Variants in TRPM6 observed in about 807,000 individuals in gnomAD.
TRPM6 encodes channel kinase 2.
A neutral mutation model predicts 247.6 loss-of-function variants in TRPM6; 111 were observed. That is an observed-to-expected ratio of 0.45 (90% confidence interval 0.38 to 0.52). The LOEUF is 0.52. Ranked by LOEUF, TRPM6 falls within the 20% of genes least tolerant of loss-of-function variation. The pLI, the probability that TRPM6 is intolerant of heterozygous loss-of-function variation, is 0.00. For synonymous variants in TRPM6, 892 were observed against 853.8 expected (o/e 1.04, Z -0.78); for missense variants, 2,126 against 2,421.5 (o/e 0.88, Z 2.56).
intron 11 of TRPM6, among the ~76,000 whole-genome samples, chr9:74,813,225 A>C (rs1828798027): frequency 6.6e-6 from 1 of 152,210 alleles, no homozygotes; most frequent in South Asian, 2.1e-4. Flanking sequence ...TTTTGTTACA[A>C]AATAAATCTA....
intron 23 of TRPM6, among the ~76,000 whole-genome samples, chr9:74,778,887 T>A (rs1827320053): frequency 6.6e-6 from 1 of 151,874 alleles, no homozygotes; most frequent in African/African-American, 2.4e-5. Context: ...GTGCACCACC[T>A]CACCAGGCAA....
intron 19 of TRPM6, among the ~76,000 whole-genome samples, 169 bp from the exon 20 acceptor site, chr9:74,788,911 C>T (rs1450976236): frequency 6.6e-6 from 1 of 152,200 alleles, no homozygotes; most frequent in Non-Finnish European, 1.5e-5. Flanking sequence ...GAAAGCACAA[C>T]AATCCATGGT....
intron 6 of TRPM6, among the ~76,000 whole-genome samples, chr9:74,828,838 C>T (rs560199683): frequency 3.4e-4 from 52 of 151,882 alleles, no homozygotes; most frequent in African/African-American, 1.1e-3. Flanking sequence ...GCCCAGCCTT[C>T]GTTTTCATTT....
rs1213302739 is a variant in TRPM6, at chr9:74,786,144, A to G, written c.2668-19T>C. 34 of 1,614,044 alleles carry G rather than the reference A, an allele frequency of 2.1e-5. No homozygotes were observed. The highest frequency in any genetic ancestry group is 2.7e-5 in the Non-Finnish European group (32 of 1,179,898). On this transcript the variant is annotated intron_variant, in intron 20 of 38. Transcript: ENST00000360774. ...TACAGATCTAAAAGAAGGAAGAAGGAAACTTTAAAAAGGAGGTACAACCAA... is the reference window on the plus strand; with the variant it reads ...TACAGATCTAAAAGAAGGAAGAAGGGAACTTTAAAAAGGAGGTACAACCAA...
rs1433785171 is a variant in TRPM6, at chr9:74,742,565, C to G, written c.5196G>C (p.Leu1732=). Residue 1732 remains leucine, a synonymous_variant, in exon 33 of 39, where the codon CTG becomes CTC. Coordinates refer to ENST00000360774, the MANE Select transcript of TRPM6 (RefSeq NM_017662.5). The part of the protein sequence containing the change: ...SQTIPFTPVQ[L]FAGEEITVYR... ...GAAGGTAGAAATGCTACTCACCAAA[C>G]AGTTGGACTGGTGTAAATGGTATGG... The G allele has an allele frequency of 6.2e-7, 1 of 1,613,878 alleles. No homozygotes were observed. The highest frequency in any genetic ancestry group is 1.1e-5 in the South Asian group (1 of 91,084).
At chr9:74,752,254 T>A in intron 29 of TRPM6, 23 bp downstream of exon 29, 1 of 1,425,654 alleles carries the variant, frequency 7.0e-7, no homozygotes. Context: ...TGCTTTTTTT[T>A]TTAACTCCTA....
chr9:74,842,113 A>G (rs942601910), intron 4 of TRPM6, 53 bp downstream of exon 4: 77 of 312,100 alleles, frequency 2.5e-4, no homozygotes, highest in African/African-American at 1.1e-3. Flanking sequence ...CCCCGTCTCG[A>G]AAAAAAAAAA....
intron 7 of TRPM6, among the ~76,000 whole-genome samples, chr9:74,822,832 T>C (rs953935120): frequency 3.3e-5 from 5 of 152,148 alleles, no homozygotes; most frequent in Admixed American, 2.6e-4. Flanking sequence ...TATTATCCTA[T>C]GTATATTTTT....
At chr9:74,848,392 C>CT (rs1215040375) in intron 3 of TRPM6, among the ~76,000 whole-genome samples, 1 of 152,148 alleles carries the variant, frequency 6.6e-6, no homozygotes, top group Non-Finnish European at 1.5e-5. Context: ...TGTAGCATGG[C>CT]TAGGCTGGAC....
At chr9:74,756,673 C>T (rs143197710) in intron 27 of TRPM6, among the ~76,000 whole-genome samples, 1,980 of 114,506 alleles carry the variant, frequency 0.017, 69 homozygotes, top group African/African-American at 0.077. Context: ...GAAGAAACCC[C>T]GTCTCTACAA....
intron 23 of TRPM6, among the ~76,000 whole-genome samples, chr9:74,781,367 C>T (rs974896689): frequency 3.3e-5 from 5 of 151,648 alleles, no homozygotes; most frequent in African/African-American, 9.7e-5. Context: ...GAAACCCCGT[C>T]TCTACTAAAA....
In TRPM6 at chr9:74,820,207, G is replaced by A. The variant is rs1829089928; in HGVS notation, c.1134+97C>T. 5 of 1,395,562 alleles carry A rather than the reference G, an allele frequency of 3.6e-6. No homozygotes were observed. The Admixed American group carries it at 8.9e-5, about 25-fold the overall frequency. The allele number at this position is 1,395,562 out of a possible 1,614,324, so 86.4% of individuals were successfully genotyped here. A position where few individuals can be genotyped will look rare whatever the true frequency, so the allele number is the denominator to read the frequency against. On this transcript the variant is annotated intron_variant, in intron 9 of 38. Coordinates refer to ENST00000360774, the MANE Select transcript of TRPM6 (RefSeq NM_017662.5). ...CCCTGTATGTTGTTCCCCTTCCTGT[G>A]TCCACCATGTTTTTTTTTAATTGTG...
intron 31 of TRPM6, among the ~76,000 whole-genome samples, chr9:74,744,793 A>G (rs1483326714): frequency 2.0e-5 from 3 of 152,216 alleles, no homozygotes; most frequent in Non-Finnish European, 4.4e-5. Flanking sequence ...ATCAAAATTA[A>G]AGTGGAGAAC....
At position 74,750,705 on chromosome 9, in the gene TRPM6, A is replaced by G. The variant is rs752425360; in HGVS notation, c.5016T>C (p.Ser1672=). Residue 1672 remains serine (S), a synonymous_variant, in exon 30 of 39, where the codon TCT becomes TCC. Transcript: ENST00000360774. The part of the protein sequence containing the change: ...KQSQEDLSKN[S]LWNSRSTNLN... ...GGTTGGTGCTCCTGGAATTCCACAA[A>G]GAGTTTTTGCTGAGATCCTGAGCAG... is the stretch of plus-strand genomic sequence containing the variant. 4.5e-5 allele frequency: 72 copies of G among 1,613,812 alleles called. No individual in the cohort carries two copies. The highest frequency in any genetic ancestry group is 7.6e-6 in the Non-Finnish European group (9 of 1,179,836).
intron 8 of TRPM6, 148 bp downstream of exon 8, chr9:74,821,521 A>G: frequency 4.2e-6 from 4 of 963,076 alleles, no homozygotes; most frequent in Non-Finnish European, 6.4e-6. Context: ...TTGATGTTGA[A>G]CAACAAACAC....
At chr9:74,780,530 T>A (rs1827401759) in intron 23 of TRPM6, among the ~76,000 whole-genome samples, 2 of 152,136 alleles carry the variant, frequency 1.3e-5, no homozygotes. Flanking sequence ...CTTAAACTTT[T>A]ACCCAGAAGT....
rs189142721 is a variant in TRPM6, at chr9:74,817,440, C to T, written c.1135-476G>A. ...TCCTGGGCTCAGGCGATCCTCCGGT[C>T]TCAGCCTCCCAAAGTGCTGGGATTA... On this transcript the variant is annotated intron_variant, in intron 9 of 38. Transcript: ENST00000360774. Among the ~76,000 whole-genome samples, 21 of 152,332 alleles carry T rather than the reference C, an allele frequency of 1.4e-4. No homozygotes were observed. The East Asian group carries it at 4.1e-3, about 29-fold the overall frequency.
In TRPM6 at chr9:74,827,565, A is replaced by C. The variant is rs1036548320; in HGVS notation, c.841+213T>G. The C allele has an allele frequency of 8.1e-5, 54 of 669,960 alleles. No homozygotes were observed. The African/African-American group carries it at 9.1e-4, about 11-fold the overall frequency. The allele number at this position is 669,960 out of a possible 1,614,324, so 41.5% of individuals were successfully genotyped here. On this transcript the variant is annotated intron_variant, in intron 7 of 38. Transcript: ENST00000360774. ...CTTTGGGGGGATCATGGAAGGATGA[A>C]GACTTTAGTGGATCCTCGAAGTGTC... is the stretch of plus-strand genomic sequence containing the variant.
At chr9:74,885,397 G>A (rs778951689) in intron 1 of TRPM6, among the ~76,000 whole-genome samples, 7 of 152,118 alleles carry the variant, frequency 4.6e-5, no homozygotes, top group Admixed American at 2.6e-4. Context: ...GGAATATCTA[G>A]AGATACAGAC....
Sources: gnomAD v4.1 joint callset for allele counts (sites outside exome capture counted in the v4.1 genomes callset) on GRCh38, gnomAD v4.1.1 for gene constraint, MANE v1.5 for transcripts, NCBI Gene and HGNC (gene_info 2026-07-23, HGNC 2026-07-21) for gene names.